Variants in WASL observed in about 807,000 individuals in gnomAD.
The protein encoded by WASL is WASP like actin nucleation promoting factor, also known as actin nucleation-promoting factor WASL.
WASL carries 20 observed loss-of-function variants against 55.5 expected under a neutral mutation model. The observed-to-expected ratio is 0.36, with a 90% CI of 0.25 to 0.52. The LOEUF (loss-of-function observed/expected upper bound fraction) is 0.52, where lower values mean the gene tolerates loss of function less well. Among genes scored for constraint, WASL ranks in the 20% least tolerant of loss-of-function variants. The pLI is 0.92. For missense variants in WASL, 504 were observed against 622.5 expected, an observed-to-expected ratio of 0.81 and a Z score of 2.03; for synonymous variants, 249 against 217.6, an observed-to-expected ratio of 1.14 and a Z score of -1.27.
intron 1 of WASL, among the ~76,000 whole-genome samples, chr7:123,712,087 G>A (rs187472492): frequency 6.6e-6 from 1 of 152,234 alleles, no homozygotes; most frequent in Admixed American, 6.5e-5. Context: ...GGTTGACTCT[G>A]CACCAGTTGA....
intron 7 of WASL, among the ~76,000 whole-genome samples, 156 bp from the exon 8 acceptor site, chr7:123,695,024 T>G (rs1000204): frequency 0.28 from 42,902 of 151,910 alleles, 6,498 homozygotes; most frequent in African/African-American, 0.38. Flanking sequence ...TAAAAAAAAC[T>G]GAACAGATAT....
At chr7:123,700,279 G>A (rs1803566710) in intron 5 of WASL, among the ~76,000 whole-genome samples, 1 of 150,456 alleles carries the variant, frequency 6.6e-6, no homozygotes, top group African/African-American at 2.4e-5. Flanking sequence ...GTATTAGATG[G>A]GAAATTAGAG....
At chr7:123,730,992 T>C (rs1804127404) in intron 1 of WASL, among the ~76,000 whole-genome samples, 2 of 152,134 alleles carry the variant, frequency 1.3e-5, no homozygotes, top group Admixed American at 1.3e-4. Context: ...GTTGTTGTCT[T>C]GTGTCCATGT....
At chr7:123,719,417 T>C (rs1160394735) in intron 1 of WASL, among the ~76,000 whole-genome samples, 2 of 152,160 alleles carry the variant, frequency 1.3e-5, no homozygotes, top group Non-Finnish European at 2.9e-5. Context: ...AGCTATGATG[T>C]TGCCTATGGG....
At chr7:123,745,624 T>G (rs963435415) in intron 1 of WASL, among the ~76,000 whole-genome samples, 6 of 152,152 alleles carry the variant, frequency 3.9e-5, no homozygotes, top group African/African-American at 1.4e-4. Flanking sequence ...CTTTAGAATT[T>G]TCTGTCAAGC....
intron 9 of WASL, among the ~76,000 whole-genome samples, chr7:123,691,546 T>C (rs1803408312): frequency 6.6e-6 from 1 of 152,222 alleles, no homozygotes; most frequent in Non-Finnish European, 1.5e-5. Flanking sequence ...CATTCATTTA[T>C]GTATTGTCTG....
intron 1 of WASL, among the ~76,000 whole-genome samples, chr7:123,709,901 A>C (rs1230352176): frequency 1.3e-5 from 2 of 152,272 alleles, no homozygotes; most frequent in Admixed American, 1.3e-4. Context: ...GGATATGAAA[A>C]AGATTTGAGT....
chr7:123,732,551 T>G (rs1471075472), intron 1 of WASL, among the ~76,000 whole-genome samples: 3 of 152,138 alleles, frequency 2.0e-5, no homozygotes, highest in Non-Finnish European at 2.9e-5. Context: ...AAAATTGGAT[T>G]AATTATTAAT....
chr7:123,684,477 G>T lies in WASL; in HGVS notation c.*42C>A. 1.8e-6 allele frequency: 1 copy of T among 543,504 alleles called. No homozygotes were observed. 33.7% of individuals were successfully genotyped at this position (543,504 alleles called of 1,614,324 possible). A position where few individuals can be genotyped will look rare whatever the true frequency, so the allele number is the denominator to read the frequency against. ...ATCCACAGACAGAAAGTAGTGTTTA[G>T]TATTTCACCTTAAAAATATATATAT... On this transcript the variant is annotated 3_prime_UTR_variant, in exon 11 of 11. Transcript: ENST00000223023.
At chr7:123,687,733 A>G (rs1038311327) in intron 10 of WASL, among the ~76,000 whole-genome samples, 5 of 150,032 alleles carry the variant, frequency 3.3e-5, no homozygotes, top group Admixed American at 6.7e-5. Context: ...ATTAGACCTA[A>G]TGCATGTCGA....
intron 1 of WASL, among the ~76,000 whole-genome samples, chr7:123,735,073 G>A (rs1043477825): frequency 4.8e-5 from 7 of 144,846 alleles, no homozygotes; most frequent in Non-Finnish European, 1.1e-4. Context: ...GACAGCTGAG[G>A]AAAACCAGCA....
intron 5 of WASL, among the ~76,000 whole-genome samples, chr7:123,702,004 T>A (rs1803598427): frequency 6.6e-6 from 1 of 151,618 alleles, no homozygotes. Flanking sequence ...GGCCAAATGA[T>A]TAAAACTAAA....
intron 1 of WASL, among the ~76,000 whole-genome samples, chr7:123,718,315 G>A (rs1584866794): frequency 6.6e-6 from 1 of 152,112 alleles, no homozygotes; most frequent in African/African-American, 2.4e-5. Flanking sequence ...AGAAAATGAT[G>A]CATCAATCAG....
chr7:123,721,049 G>C (rs1298087727), intron 1 of WASL, among the ~76,000 whole-genome samples: 1 of 152,068 alleles, frequency 6.6e-6, no homozygotes, highest in Non-Finnish European at 1.5e-5. Context: ...CAGTGCCTAG[G>C]GGCTTAAACT....
chr7:123,685,410 A>G lies in WASL; in HGVS notation c.1457-830T>C, dbSNP rs1449612918. ...TCCTTTCTGTCCCTTAAACTCACCA[A>G]TCTTATTCTGGCTTTAGAACTTCTG... On this transcript the variant is annotated intron_variant, in intron 10 of 10. Transcript: ENST00000223023. Among the ~76,000 whole-genome samples the G allele has an allele frequency of 2.0e-5, 3 of 151,784 alleles. No homozygotes were observed. The East Asian group carries it at 5.8e-4, about 29-fold the overall frequency.
intron 1 of WASL, among the ~76,000 whole-genome samples, chr7:123,728,666 C>T (rs193025943): frequency 1.8e-4 from 28 of 152,140 alleles, no homozygotes; most frequent in Admixed American, 1.1e-3. Flanking sequence ...ACAGTGAAGC[C>T]CCATCTCTAC....
In WASL at chr7:123,727,929, A is replaced by G. The variant is rs572116862; in HGVS notation, c.118-18706T>C. On this transcript the variant is annotated intron_variant, in intron 1 of 10. Transcript: ENST00000223023. ...TGACGCACTTCATTTCATGGTAGCT[A>G]GATAAATTGGAAAGAAAGCTCTTAT... Among the ~76,000 whole-genome samples the G allele has an allele frequency of 4.9e-4, 75 of 152,330 alleles. 1 individual carries two copies. The highest frequency in any genetic ancestry group is 1.8e-3 in the African/African-American group (74 of 41,600).
intron 1 of WASL, among the ~76,000 whole-genome samples, chr7:123,713,307 T>C (rs1304929167): frequency 6.6e-6 from 1 of 151,954 alleles, no homozygotes. Flanking sequence ...CACACACCAC[T>C]ATGACGGGCT....
intron 1 of WASL, among the ~76,000 whole-genome samples, chr7:123,716,671 G>A (rs1803847804): frequency 6.6e-6 from 1 of 151,972 alleles, no homozygotes; most frequent in Admixed American, 6.6e-5. Flanking sequence ...GAGAGAAAGA[G>A]GGAGGCAGGA....
Sources: gnomAD v4.1 joint callset for allele counts (sites outside exome capture counted in the v4.1 genomes callset) on GRCh38, gnomAD v4.1.1 for gene constraint, MANE v1.5 for transcripts, NCBI Gene and HGNC (gene_info 2026-07-23, HGNC 2026-07-21) for gene names.